Variants in CADPS observed in about 807,000 individuals in gnomAD.
CADPS encodes the protein calcium dependent secretion activator.
CADPS carries 57 observed loss-of-function variants against 167.3 expected under a neutral mutation model. The ratio of observed to expected loss-of-function variants is 0.34; its 90% CI spans 0.28 to 0.42. The LOEUF (loss-of-function observed/expected upper bound fraction) is 0.42, where lower values mean the gene tolerates loss of function less well. Among genes scored for constraint, CADPS ranks in the 20% least tolerant of loss-of-function variants. CADPS has a pLI of 1.00. For synonymous variants in CADPS, 676 were observed against 635.3 expected (o/e 1.06, Z -0.96); for missense variants, 1,414 against 1,738.1 (o/e 0.81, Z 3.32).
intron 17 of CADPS, among the ~76,000 whole-genome samples, chr3:62,501,899 G>A (rs1486376457): frequency 1.3e-5 from 2 of 152,216 alleles, no homozygotes; most frequent in African/African-American, 4.8e-5. Context: ...CATTCTATGA[G>A]TGTGTGCACA....
At chr3:62,590,348 C>G (rs2085669770) in intron 7 of CADPS, among the ~76,000 whole-genome samples, 1 of 152,096 alleles carries the variant, frequency 6.6e-6, no homozygotes, top group Non-Finnish European at 1.5e-5. Context: ...ATCTGCCTTA[C>G]TGGAAAAGGA....
At chr3:62,629,764 T>TTTG (rs1563099723) in intron 6 of CADPS, among the ~76,000 whole-genome samples, 1 of 151,864 alleles carries the variant, frequency 6.6e-6, no homozygotes, top group Admixed American at 6.6e-5. Flanking sequence ...ACAGTTTTTT[T>TTTG]TTTGTTTGTT....
In CADPS at chr3:62,514,258, T is replaced by C. The variant is rs1328199534; in HGVS notation, c.2582-1490A>G. On this transcript the variant is annotated intron_variant, in intron 16 of 29. Coordinates refer to ENST00000383710, the MANE Select transcript of CADPS (RefSeq NM_003716.4). The surrounding 1 kb of genome is among the most constrained non-coding windows in gnomAD (Gnocchi z 4.2). ...CAGGCTGCAATGTCTCAGCCTATGG[T>C]GGACTATGTTCATGAAAGAAAACCT... Among the ~76,000 whole-genome samples the C allele has an allele frequency of 2.2e-4, 33 of 152,048 alleles. No homozygotes were observed. Among genetic ancestry groups the C allele is most frequent in the Admixed American group, 2.2e-3 (33 of 15,250 alleles).
intron 1 of CADPS, among the ~76,000 whole-genome samples, chr3:62,800,550 G>A (rs749540116): frequency 3.3e-4 from 50 of 152,092 alleles, no homozygotes; most frequent in Non-Finnish European, 2.5e-4. Context: ...TACTGAATGT[G>A]AGTTAACATG....
intron 6 of CADPS, among the ~76,000 whole-genome samples, chr3:62,613,544 T>C (rs1479739979): frequency 6.6e-6 from 1 of 152,224 alleles, no homozygotes; most frequent in Non-Finnish European, 1.5e-5. Context: ...CAGCACATAA[T>C]ATTTCCCAAA....
At chr3:62,573,544 C>T (rs936789137) in intron 8 of CADPS, among the ~76,000 whole-genome samples, 1 of 152,204 alleles carries the variant, frequency 6.6e-6, no homozygotes, top group African/African-American at 2.4e-5. Context: ...TCTCTGCTTA[C>T]CCCCTTGACT....
At chr3:62,624,074 G>A (rs1156962840) in intron 6 of CADPS, among the ~76,000 whole-genome samples, 2 of 152,096 alleles carry the variant, frequency 1.3e-5, no homozygotes, top group Non-Finnish European at 2.9e-5. Context: ...GTCCAGAGAT[G>A]CTGCTAAGCC....
chr3:62,800,241 G>A (rs1035787362), intron 1 of CADPS, among the ~76,000 whole-genome samples: 1 of 152,052 alleles, frequency 6.6e-6, no homozygotes, highest in Non-Finnish European at 1.5e-5. Context: ...AAGCTCAGTG[G>A]AGTAAAATTG....
chr3:62,840,833 A>G (rs2076552680), intron 1 of CADPS, among the ~76,000 whole-genome samples: 1 of 152,204 alleles, frequency 6.6e-6, no homozygotes, highest in Non-Finnish European at 1.5e-5. Flanking sequence ...TATTTGGAGA[A>G]ATCCATTTGG....
chr3:62,874,481 C>A lies in CADPS; in HGVS notation c.441+108G>T. 1 of 867,902 alleles carries A rather than the reference C, an allele frequency of 1.2e-6. No homozygotes were observed. Among genetic ancestry groups the A allele is most frequent in the Non-Finnish European group, 1.8e-6 (1 of 558,632 alleles). 53.8% of individuals were successfully genotyped at this position (867,902 alleles called of 1,614,324 possible). A position where few individuals can be genotyped will look rare whatever the true frequency, so the allele number is the denominator to read the frequency against. ...TAGCCCTTTCCCCAGGGCGCGGTCT[C>A]CACCTCTCCTGCTCCTCCTCGCCAG... On this transcript the variant is annotated intron_variant, in intron 1 of 29. Transcript: ENST00000383710. The surrounding 1 kb of genome is among the most constrained non-coding windows in gnomAD (Gnocchi z 7.1).
At chr3:62,574,805 G>C (rs1400672409) in intron 8 of CADPS, among the ~76,000 whole-genome samples, 2 of 152,204 alleles carry the variant, frequency 1.3e-5, no homozygotes, top group Non-Finnish European at 2.9e-5. Context: ...AAACGAGACA[G>C]TGCTTGTGAA....
chr3:62,438,231 C>A lies in CADPS; in HGVS notation c.3670-20G>T. The stretch of plus-strand genomic sequence containing the variant: ...GGGTTTCTGTAAAGAAACAGGAAAA[C>A]ATGAAAACGAATTTTCAGACAGCCA... On this transcript the variant is annotated intron_variant, in intron 27 of 29. Transcript: ENST00000383710. The surrounding 1 kb of genome is among the most constrained non-coding windows in gnomAD (Gnocchi z 4.7). 1 of 1,586,764 alleles carries A rather than the reference C, an allele frequency of 6.3e-7. No homozygotes were observed. The highest frequency in any genetic ancestry group is 8.7e-7 in the Non-Finnish European group (1 of 1,155,396).
chr3:62,542,883 T>G (rs1270284325), intron 11 of CADPS, among the ~76,000 whole-genome samples: 1 of 152,198 alleles, frequency 6.6e-6, no homozygotes, highest in African/African-American at 2.4e-5. Context: ...TGATTTTAGT[T>G]TTCTCCTGCT....
At chr3:62,409,653 T>C (rs2048579634) in intron 28 of CADPS, among the ~76,000 whole-genome samples, 2 of 152,350 alleles carry the variant, frequency 1.3e-5, no homozygotes, top group East Asian at 3.9e-4. Flanking sequence ...CTATTTTAGG[T>C]TGGTAACTCA....
At chr3:62,402,494 A>G (rs1706732796) in intron 29 of CADPS, among the ~76,000 whole-genome samples, 1 of 152,226 alleles carries the variant, frequency 6.6e-6, no homozygotes, top group African/African-American at 2.4e-5. Flanking sequence ...TGAAATAATT[A>G]TCATTAGTCC....
intron 10 of CADPS, among the ~76,000 whole-genome samples, chr3:62,553,455 G>T (rs1468042180): frequency 2.0e-5 from 3 of 152,196 alleles, no homozygotes; most frequent in Admixed American, 2.0e-4. Flanking sequence ...GGTTGTATGT[G>T]TCAGAGCTGG....
chr3:62,533,518 T>C (rs1233623896), intron 12 of CADPS, among the ~76,000 whole-genome samples: 4 of 152,162 alleles, frequency 2.6e-5, no homozygotes, highest in South Asian at 2.1e-4. Context: ...TTGAGCCCTA[T>C]AGCAACTCTG....
Position 62,783,550 on chromosome 3 carries a change from T to C in CADPS, c.442-17566A>G, listed in dbSNP as rs143263154. Among the ~76,000 whole-genome samples, 150 of 152,318 alleles carry C rather than the reference T, an allele frequency of 9.8e-4. 1 individual carries two copies. Among genetic ancestry groups the C allele is most frequent in the African/African-American group, 3.4e-3 (142 of 41,562 alleles). On this transcript the variant is annotated intron_variant, in intron 1 of 29. Transcript: ENST00000383710. ...TGGAGCTAGACAACTATGTGGGACT[T>C]GAATTCCGGCTCAGCATTTATTAGT...
intron 21 of CADPS, among the ~76,000 whole-genome samples, chr3:62,483,908 C>T (rs934851752): frequency 2.6e-5 from 4 of 151,870 alleles, no homozygotes; most frequent in African/African-American, 7.3e-5. Context: ...GATGGCAGCC[C>T]GGAAAGTTAA....
Sources: gnomAD v4.1 joint callset for allele counts (sites outside exome capture counted in the v4.1 genomes callset) on GRCh38, gnomAD v4.1.1 for gene constraint, Gnocchi (gnomAD v3.1) non-coding constraint, MANE v1.5 for transcripts, NCBI Gene and HGNC (gene_info 2026-07-23, HGNC 2026-07-21) for gene names.